FRS3: variants seen among roughly 807,000 people sequenced by gnomAD.
FRS3 encodes FGFR substrate 3.
FRS3 carries 17 observed loss-of-function variants against 41.9 expected under a neutral mutation model. The observed-to-expected ratio is 0.41, with a 90% CI of 0.28 to 0.61. FRS3 has a LOEUF of 0.61. FRS3 is among the 20% of genes least tolerant of loss of function. The probability of loss-of-function intolerance (pLI) is 0.36; values close to 1 mark genes in which losing one functional copy is unlikely to be tolerated. For missense variants in FRS3, 619 were observed against 672.1 expected, an observed-to-expected ratio of 0.92 and a Z score of 0.87; for synonymous variants, 287 against 274.5, an observed-to-expected ratio of 1.05 and a Z score of -0.45.
At position 41,772,851 on chromosome 6, in the gene FRS3, CG is replaced by C; in HGVS notation, c.361del (p.Arg121AlafsTer20). On this transcript the variant is annotated frameshift_variant, in exon 5 of 7. Coordinates refer to ENST00000373018, the MANE Select transcript of FRS3 (RefSeq NM_006653.5). LOFTEE classifies it high-confidence loss of function. ...NVMEEPVIITRNSHPAELDLP... is the reference protein window; with the variant it reads ...NVMEEPVIITXNSHPAELDLP... ...GTCAAGCTCAGCGGGGTGGCTATTG[CG>C]GGTGATGATGACAGGCTCTTCCATC... is the stretch of plus-strand genomic sequence containing the variant. The C allele has an allele frequency of 6.2e-7, 1 of 1,612,988 alleles. No homozygotes were observed. Among genetic ancestry groups the C allele is most frequent in the Non-Finnish European group, 8.5e-7 (1 of 1,179,856 alleles).
chr6:41,770,609 C>A lies in FRS3; in HGVS notation c.*10G>T, dbSNP rs200505680. ...TGGTGGGGCAGAGGGTGGTGAGGAC[C>A]GGGAAGTCCCTACAGAGGCAGGTCG... is the stretch of plus-strand genomic sequence containing the variant. On this transcript the variant is annotated 3_prime_UTR_variant, in exon 7 of 7. Coordinates refer to ENST00000373018, the MANE Select transcript of FRS3 (RefSeq NM_006653.5). The A allele has an allele frequency of 6.2e-7, 1 of 1,613,704 alleles. No individual in the cohort carries two copies. Among genetic ancestry groups the A allele is most frequent in the South Asian group, 1.1e-5 (1 of 91,054 alleles).
At position 41,770,649 on chromosome 6, in the gene FRS3, G is replaced by C. The variant is rs769430931; in HGVS notation, c.1449C>G (p.Thr483=). Residue 483 remains threonine, a synonymous_variant, in exon 7 of 7, where the codon ACC becomes ACG. Coordinates refer to ENST00000373018, the MANE Select transcript of FRS3 (RefSeq NM_006653.5). ...GAGGCAGGTCGGTGCTGTTGTGCCG[G>C]GTTTTCCTGGCGGTGCCATCGTCTC... ...LPRDDGTARK[T]RHNSTDLPL is the part of the protein sequence containing the mutation. 27 of 1,614,112 alleles carry C rather than the reference G, an allele frequency of 1.7e-5. No individual in the cohort carries two copies. The highest frequency in any genetic ancestry group is 3.3e-4 in the Middle Eastern group (2 of 6,082).
intron 4 of FRS3, 64 bp from the exon 5 acceptor site, chr6:41,773,023 G>A: frequency 2.2e-6 from 3 of 1,362,668 alleles, no homozygotes; most frequent in Non-Finnish European, 3.1e-6. Flanking sequence ...CTCAACAGAT[G>A]CACAATGTGC....
chr6:41,770,539 G>A lies in FRS3; in HGVS notation c.*80C>T. ...CTGCAAAGCAACCCTGAACCCTGGG[G>A]AGGGTGGGTTCAGAGGACAGGAGTG... On this transcript the variant is annotated 3_prime_UTR_variant, in exon 7 of 7. Coordinates refer to ENST00000373018, the MANE Select transcript of FRS3 (RefSeq NM_006653.5). 1.4e-6 allele frequency: 2 copies of A among 1,409,190 alleles called. No homozygotes were observed. Among genetic ancestry groups the A allele is most frequent in the Non-Finnish European group, 2.0e-6 (2 of 996,960 alleles). 87.3% of individuals were successfully genotyped at this position (1,409,190 alleles called of 1,614,324 possible).
chr6:41,775,338 T>C (rs1772386411), intron 4 of FRS3, 81 bp downstream of exon 4: 4 of 1,151,774 alleles, frequency 3.5e-6, no homozygotes, highest in African/African-American at 1.5e-5. Context: ...CACTAACCTC[T>C]TGAGGGCTAA....
In FRS3 at chr6:41,775,495, A is replaced by T; in HGVS notation, c.177T>A (p.Tyr59Ter). 1 of 1,614,036 alleles carries T rather than the reference A, an allele frequency of 6.2e-7. No individual in the cohort carries two copies. The highest frequency in any genetic ancestry group is 8.5e-7 in the Non-Finnish European group (1 of 1,180,020). Residue 59 changes from tyrosine (Y) to a stop codon, truncating the protein, a stop_gained, in exon 4 of 7, where the codon TAT (tyrosine) becomes TAA (stop). Coordinates refer to ENST00000373018, the MANE Select transcript of FRS3 (RefSeq NM_006653.5). LOFTEE classifies it high-confidence loss of function. ...CGTAGCCATAGCGCCGCAAGCAGAG[A>T]TAAGGCCAGCGGACGGCCTCACGCC... ...LHRREAVRWP[Y>*]LCLRRYGYDS...
intron 1 of FRS3, among the ~76,000 whole-genome samples, chr6:41,779,515 G>C (rs1561894021): frequency 6.6e-6 from 1 of 152,012 alleles, no homozygotes. Flanking sequence ...AGGGGGTTCT[G>C]AGGGCTCCAG....
At chr6:41,775,146 C>A (rs1207372087) in intron 4 of FRS3, among the ~76,000 whole-genome samples, 1 of 152,190 alleles carries the variant, frequency 6.6e-6, no homozygotes. Context: ...GAACACAATC[C>A]CATGCAGGAT....
At chr6:41,773,482 G>A (rs969640341) in intron 4 of FRS3, among the ~76,000 whole-genome samples, 13 of 152,108 alleles carry the variant, frequency 8.5e-5, no homozygotes, top group Non-Finnish European at 1.5e-4. Context: ...GCCCCAGCAC[G>A]CCCACACCAC....
In FRS3 at chr6:41,770,965, G is replaced by A. The variant is rs1263897930; in HGVS notation, c.1133C>T (p.Ala378Val). Residue 378 changes from alanine to valine, a missense_variant, in exon 7 of 7, where the codon GCC becomes GTC. Coordinates refer to ENST00000373018, the MANE Select transcript of FRS3 (RefSeq NM_006653.5). Reference sequence around the variant, plus strand: ...AAAGCTGCCGTGGCTGCGGATGGCGGCCCGGGTGCTGGTGGGCTTCTGCAG... The same window carrying A: ...AAAGCTGCCGTGGCTGCGGATGGCGACCCGGGTGCTGGTGGGCTTCTGCAG... ...TPLQKPTSTR[A>V]AIRSHGSFPV... 1.2e-6 allele frequency: 2 copies of A among 1,612,832 alleles called. No individual in the cohort carries two copies. The highest frequency in any genetic ancestry group is 1.3e-5 in the African/African-American group (1 of 74,942).
Position 41,771,801 on chromosome 6 carries a change from C to A in FRS3, c.564+15G>T. On this transcript the variant is annotated intron_variant, in intron 6 of 6. Coordinates refer to ENST00000373018, the MANE Select transcript of FRS3 (RefSeq NM_006653.5). ...CCAGACCAACAGGGCAGGGGCTGGC[C>A]GGCTGCGTGCTCACCTGCTCATCAG... 6.5e-7 allele frequency: 1 copy of A among 1,549,286 alleles called. No individual in the cohort carries two copies. The highest frequency in any genetic ancestry group is 8.7e-7 in the Non-Finnish European group (1 of 1,147,188).
In FRS3 at chr6:41,775,572, C is replaced by T; in HGVS notation, c.100G>A (p.Gly34Ser). The part of the protein sequence containing the change: ...TNVDDEGVEL[G>S]SGVMELTQSE... ...TGCGTCAGCTCCATCACCCCAGAGC[C>T]CAGCTCCACCCCCTCATCATCCACA... The change falls in exon 4 of 7, where the codon GGC becomes AGC. Residue 34 changes from glycine (G) to serine (S), a missense_variant. Gly to Ser is a moderately conservative substitution (Grantham distance 56). This residue lies in a region of FRS3 where 100 missense variants were observed against 138.1 expected (regional missense o/e 0.72). Coordinates refer to ENST00000373018, the MANE Select transcript of FRS3 (RefSeq NM_006653.5). 2 of 1,614,076 alleles carry T rather than the reference C, an allele frequency of 1.2e-6. No homozygotes were observed. The highest frequency in any genetic ancestry group is 1.7e-6 in the Non-Finnish European group (2 of 1,179,938).
chr6:41,771,002 C>A lies in FRS3; in HGVS notation c.1096G>T (p.Asp366Tyr). ...GTGGGCTTCTGCAGTGGGGTCTCGT[C>A]CTCCTCACCATCAGGGAAGCCATTG... ...SSNGFPDGEE[D>Y]ETPLQKPTST... is the part of the protein sequence containing the mutation. The change falls in exon 7 of 7, where the codon GAC (aspartate) becomes TAC (tyrosine). Residue 366 changes from aspartate (D) to tyrosine (Y), a missense_variant. By Grantham distance (160) the Asp-to-Tyr change is radical. Transcript: ENST00000373018. 1 of 1,613,150 alleles carries A rather than the reference C, an allele frequency of 6.2e-7. No homozygotes were observed. The highest frequency in any genetic ancestry group is 8.5e-7 in the Non-Finnish European group (1 of 1,179,886).
At position 41,779,888 on chromosome 6, in the gene FRS3, C is replaced by T. The variant is rs1415897884; in HGVS notation, c.-240G>A. On this transcript the variant is annotated 5_prime_UTR_variant, in exon 1 of 7. Coordinates refer to ENST00000373018, the MANE Select transcript of FRS3 (RefSeq NM_006653.5). ...TGCAGCAGCCGCCGCCCGCCCGGAG[C>T]TAAGGCCTCCCCGCCCCGCCCCGCC... The T allele has an allele frequency of 5.3e-5, 8 of 150,012 alleles. No individual in the cohort carries two copies. The South Asian group carries it at 8.0e-4, about 15-fold the overall frequency. The allele number at this position is 150,012 out of a possible 1,614,324, so 9.3% of individuals were successfully genotyped here. A position where few individuals can be genotyped will look rare whatever the true frequency, so the allele number is the denominator to read the frequency against.
At chr6:41,772,137 T>C (rs944477145) in intron 5 of FRS3, among the ~76,000 whole-genome samples, 173 bp from the exon 6 acceptor site, 3 of 152,180 alleles carry the variant, frequency 2.0e-5, no homozygotes, top group Admixed American at 1.3e-4. Context: ...TCATCTTTCC[T>C]CTGCTCTTCA....
Position 41,775,506 on chromosome 6 carries a change from G to A in FRS3, c.166C>T (p.Arg56Cys), listed in dbSNP as rs201705767. The change falls in exon 4 of 7, where the codon CGC (arginine) becomes TGC (cysteine). Residue 56 changes from arginine (R) to cysteine (C), a missense_variant. By Grantham distance (180) the Arg-to-Cys change is radical. Around this residue, in one of 3 missense-constraint regions of FRS3, gnomAD observed 100 missense variants for 138.1 expected, o/e 0.72. Transcript: ENST00000373018. ...VLHLHRREAVRWPYLCLRRYG... is the reference protein window; with the variant it reads ...VLHLHRREAVCWPYLCLRRYG... ...CGCCGCAAGCAGAGATAAGGCCAGC[G>A]GACGGCCTCACGCCGATGCAGGTGC... The A allele has an allele frequency of 3.7e-4, 601 of 1,614,046 alleles. No individual in the cohort carries two copies. Among genetic ancestry groups the A allele is most frequent in the East Asian group, 4.9e-4 (22 of 44,886 alleles).
chr6:41,773,446 T>C (rs1286747857), intron 4 of FRS3, among the ~76,000 whole-genome samples: 1 of 151,932 alleles, frequency 6.6e-6, no homozygotes, highest in Non-Finnish European at 1.5e-5. Flanking sequence ...CAAGAGCTAC[T>C]AGAAAGGCTG....
chr6:41,775,639 A>G, intron 3 of FRS3, 34 bp from the exon 4 acceptor site: 2 of 1,536,390 alleles, frequency 1.3e-6, no homozygotes, highest in Middle Eastern at 1.7e-4. Flanking sequence ...TCAATGAGTG[A>G]GTCCAACAAG....
rs766720519 is a variant in FRS3 at position 41,771,222 on chromosome 6, C to T, written c.876G>A (p.Gly292=). 2 of 1,575,676 alleles carry T rather than the reference C, an allele frequency of 1.3e-6. No homozygotes were observed. Among genetic ancestry groups the T allele is most frequent in the South Asian group, 2.4e-5 (2 of 84,884 alleles). The part of the protein sequence containing the change: ...QPKCTYENVT[G]GLWRGAGWRL... ...TCCAGCCAGCCCCTCGCCACAGCCC[C>T]CCGGTGACGTTCTCGTAGGTGCACT... Residue 292 remains glycine, a synonymous_variant, in exon 7 of 7, where the codon GGG becomes GGA. Transcript: ENST00000373018.
Sources: gnomAD v4.1 joint callset for allele counts (sites outside exome capture counted in the v4.1 genomes callset) on GRCh38, gnomAD v4.1.1 for gene constraint, gnomAD v4.1.1 regional missense constraint, MANE v1.5 for transcripts, NCBI Gene and HGNC (gene_info 2026-07-23, HGNC 2026-07-21) for gene names.